PARD3: variants seen among roughly 807,000 people sequenced by gnomAD.
The protein encoded by PARD3 is partitioning defective 3 homolog.
PARD3 carries 75 observed loss-of-function variants against 155.4 expected under a neutral mutation model. The observed-to-expected ratio is 0.48, with a 90% CI of 0.40 to 0.58. The LOEUF is 0.58. PARD3 is among the 20% of genes least tolerant of loss of function. The pLI, the probability that PARD3 is intolerant of heterozygous loss-of-function variation, is 0.00. For missense variants in PARD3, 1,642 were observed against 1,721.7 expected, an observed-to-expected ratio of 0.95 and a Z score of 0.82; for synonymous variants, 576 against 610.5, an observed-to-expected ratio of 0.94 and a Z score of 0.83.
intron 4 of PARD3, among the ~76,000 whole-genome samples, chr10:34,461,266 T>C (rs1027196944): frequency 6.6e-6 from 1 of 152,238 alleles, no homozygotes; most frequent in Middle Eastern, 3.4e-3. Flanking sequence ...TCAAAACAGG[T>C]AGGCTTATAA....
At chr10:34,753,216 A>G (rs1386669899) in intron 1 of PARD3, among the ~76,000 whole-genome samples, 1 of 152,210 alleles carries the variant, frequency 6.6e-6, no homozygotes, top group Non-Finnish European at 1.5e-5. Context: ...GCCAAAGGGG[A>G]TGACACTCTA....
At chr10:34,696,995 GAC>G (rs35717875) in intron 1 of PARD3, among the ~76,000 whole-genome samples, 5,254 of 143,716 alleles carry the variant, frequency 0.037, 285 homozygotes, top group African/African-American at 0.12. Flanking sequence ...GAGACAAAAT[GAC>G]ACACACACAC....
At chr10:34,403,362 A>T (rs1178351664) in intron 5 of PARD3, among the ~76,000 whole-genome samples, 1 of 152,182 alleles carries the variant, frequency 6.6e-6, no homozygotes, top group East Asian at 1.9e-4. Flanking sequence ...CTGGAGAAAA[A>T]TTTTATATTT....
intron 2 of PARD3, among the ~76,000 whole-genome samples, chr10:34,679,239 G>T (rs920023267): frequency 2.0e-5 from 3 of 152,242 alleles, no homozygotes; most frequent in African/African-American, 7.2e-5. Context: ...GACGGCATCC[G>T]GCAGTGTGGA....
chr10:34,526,078 AT>A (rs1376937915), intron 2 of PARD3, among the ~76,000 whole-genome samples: 169 of 83,208 alleles, frequency 2.0e-3, no homozygotes, highest in African/African-American at 0.014. Flanking sequence ...GAGACTCCGT[AT>A]CAAAAAAAAA....
chr10:34,278,549 C>G (rs1329237915), intron 21 of PARD3, among the ~76,000 whole-genome samples: 2 of 152,084 alleles, frequency 1.3e-5, no homozygotes, highest in African/African-American at 2.4e-5. Context: ...CGGTTTCCCC[C>G]TCCTGTTCTT....
Position 34,595,985 on chromosome 10 carries a change from G to T in PARD3, c.223-78826C>A, listed in dbSNP as rs573156994. Among the ~76,000 whole-genome samples, 3 of 152,226 alleles carry T rather than the reference G, an allele frequency of 2.0e-5. No individual in the cohort carries two copies. In the South Asian group the frequency reaches 6.2e-4, roughly 32 times the overall value. ...TTATAAAAATAAATAAATAAATGATGAAGATAAAAGCTTAATATTACCCTT... is the reference window on the plus strand; with the variant it reads ...TTATAAAAATAAATAAATAAATGATTAAGATAAAAGCTTAATATTACCCTT... On this transcript the variant is annotated intron_variant, in intron 2 of 24. Transcript: ENST00000374788.
chr10:34,226,526 G>C (rs1281694559), intron 22 of PARD3, among the ~76,000 whole-genome samples: 1 of 152,234 alleles, frequency 6.6e-6, no homozygotes, highest in Non-Finnish European at 1.5e-5. Context: ...CTCCAGCCTG[G>C]GGGAAAGAGC....
intron 2 of PARD3, among the ~76,000 whole-genome samples, chr10:34,540,644 G>C (rs2083544611): frequency 6.6e-6 from 1 of 152,122 alleles, no homozygotes; most frequent in Non-Finnish European, 1.5e-5. Context: ...GCCAGGCGTG[G>C]TGGCCATTTG....
chr10:34,459,392 C>CA (rs1161728881), intron 4 of PARD3, among the ~76,000 whole-genome samples: 1 of 151,972 alleles, frequency 6.6e-6, no homozygotes, highest in African/African-American at 2.4e-5. Context: ...AGGATGGTCT[C>CA]AACCTCCTGA....
At chr10:34,391,083 C>T (rs1842830993) in intron 7 of PARD3, among the ~76,000 whole-genome samples, 1 of 152,114 alleles carries the variant, frequency 6.6e-6, no homozygotes, top group Non-Finnish European at 1.5e-5. Flanking sequence ...GGATGTCTGT[C>T]AAATATCACA....
At position 34,447,480 on chromosome 10, in the gene PARD3, C is replaced by CAAAAAAAAAAAAAAAAA. The variant is rs745637071; in HGVS notation, c.714+2820_714+2836dup. On this transcript the variant is annotated intron_variant, in intron 5 of 24. Transcript: ENST00000374788. Reference sequence around the variant, plus strand: ...TGGGCAACAGAGCAAGACTGCGTCTCAAAAAAAAAAAAAAAAAAAAAAAAA... The same window carrying CAAAAAAAAAAAAAAAAA: ...TGGGCAACAGAGCAAGACTGCGTCTCAAAAAAAAAAAAAAAAAAAAAAAAAAAAAAAAAAAAAAAAAA... 5.4e-4 allele frequency among the ~76,000 whole-genome samples: 20 copies of CAAAAAAAAAAAAAAAAA among 37,212 alleles called. 1 individual carries two copies. Among genetic ancestry groups the CAAAAAAAAAAAAAAAAA allele is most frequent in the Admixed American group, 9.6e-4 (2 of 2,086 alleles). The allele number at this position is 37,212 out of a possible 152,430, so 24.4% of individuals were successfully genotyped here. A position where few individuals can be genotyped will look rare whatever the true frequency, so the allele number is the denominator to read the frequency against.
In PARD3 at chr10:34,418,844, C is replaced by T. The variant is rs1356857743; in HGVS notation, c.715-16927G>A. Among the ~76,000 whole-genome samples the T allele has an allele frequency of 2.6e-5, 4 of 151,638 alleles. No homozygotes were observed. The East Asian group carries it at 7.7e-4, about 29-fold the overall frequency. ...GGAGTGCAGTGGCATAATCACAGCT[C>T]ACTGCAGCCTCCACCTCTTGGGCTC... is the stretch of plus-strand genomic sequence containing the variant. On this transcript the variant is annotated intron_variant, in intron 5 of 24. Coordinates refer to ENST00000374788, the MANE Select transcript of PARD3 (RefSeq NM_001184785.2).
At chr10:34,185,578 T>C (rs1029494359) in intron 22 of PARD3, among the ~76,000 whole-genome samples, 2 of 152,090 alleles carry the variant, frequency 1.3e-5, no homozygotes, top group African/African-American at 4.8e-5. Flanking sequence ...TACTGGATAT[T>C]TATTGAATTT....
intron 2 of PARD3, among the ~76,000 whole-genome samples, chr10:34,561,886 C>G (rs1361856062): frequency 6.6e-6 from 1 of 151,460 alleles, no homozygotes; most frequent in Non-Finnish European, 1.5e-5. Flanking sequence ...AATCCTAGCA[C>G]TTTGGGAGGC....
chr10:34,125,617 A>G (rs1588856743), intron 23 of PARD3, among the ~76,000 whole-genome samples: 1 of 152,360 alleles, frequency 6.6e-6, no homozygotes, highest in East Asian at 1.9e-4. Flanking sequence ...TGCCTTGCCA[A>G]TTAAAGCAGG....
At chr10:34,453,364 A>C (rs2077163974) in intron 4 of PARD3, among the ~76,000 whole-genome samples, 1 of 152,202 alleles carries the variant, frequency 6.6e-6, no homozygotes, top group African/African-American at 2.4e-5. Context: ...CTAACTTATA[A>C]TTTAGCTAAT....
chr10:34,116,920 G>C (rs1038755305), intron 24 of PARD3, among the ~76,000 whole-genome samples: 2 of 152,210 alleles, frequency 1.3e-5, no homozygotes, highest in Non-Finnish European at 2.9e-5. Context: ...AGGCGGAGAA[G>C]GGAAGAGATG....
chr10:34,765,370 TTTC>T (rs1372417466), intron 1 of PARD3, among the ~76,000 whole-genome samples: 1 of 152,050 alleles, frequency 6.6e-6, no homozygotes, highest in African/African-American at 2.4e-5. Flanking sequence ...GAGTAGAGCA[TTTC>T]TTCTTAAGAT....
Sources: allele counts gnomAD v4.1 joint callset (sites outside exome capture counted in the v4.1 genomes callset), GRCh38; gene constraint gnomAD v4.1.1; transcripts MANE v1.5; gene names NCBI Gene and HGNC (gene_info 2026-07-23, HGNC 2026-07-21).